The following ADARB2 variants were observed in gnomAD, a reference collection of about 807,000 sequenced individuals.
ADARB2 encodes adenosine deaminase RNA specific B2 (inactive), also known as inactive double-stranded RNA-specific editase B2.
In ADARB2, 25 loss-of-function variants were observed where a neutral mutation model predicts 62.2. That is an observed-to-expected ratio of 0.40 (90% CI 0.29 to 0.56). The LOEUF is 0.56. Ranked by LOEUF, ADARB2 falls within the 20% of genes least tolerant of loss-of-function variation. ADARB2 has a pLI of 0.43. For synonymous variants in ADARB2, 572 were observed against 500.8 expected (o/e 1.14, Z -1.90); for missense variants, 1,071 against 1,077.4 (o/e 0.99, Z 0.08).
chr10:1,557,927 A>AAAAACAAATC (rs1554771635), intron 1 of ADARB2, among the ~76,000 whole-genome samples: 1 of 149,648 alleles, frequency 6.7e-6, no homozygotes, highest in Non-Finnish European at 1.5e-5. Flanking sequence ...GACCCTATCT[A>AAAAACAAATC]AAAACAAAAC....
intron 3 of ADARB2, among the ~76,000 whole-genome samples, chr10:1,343,009 G>T (rs79745787): frequency 0.024 from 3,619 of 152,284 alleles, 84 homozygotes; most frequent in East Asian, 0.11. Flanking sequence ...CAAGAACAGG[G>T]TGTGGTCATG....
chr10:1,349,409 G>C (rs1564265077), intron 3 of ADARB2, among the ~76,000 whole-genome samples: 1 of 152,082 alleles, frequency 6.6e-6, no homozygotes, highest in Non-Finnish European at 1.5e-5. Context: ...CCTTTCACAC[G>C]AACGTGCATG....
chr10:1,627,393 A>ATT (rs999716228), intron 1 of ADARB2, among the ~76,000 whole-genome samples: 16 of 151,812 alleles, frequency 1.1e-4, no homozygotes, highest in Non-Finnish European at 2.1e-4. Flanking sequence ...TTCTATCTTA[A>ATT]TTTTTTTTCT....
intron 3 of ADARB2, among the ~76,000 whole-genome samples, chr10:1,304,717 G>A (rs942548231): frequency 1.3e-5 from 2 of 148,492 alleles, no homozygotes; most frequent in African/African-American, 2.5e-5. Context: ...TCAGGATTAA[G>A]AATCTCACTC....
chr10:1,269,771 G>A (rs1320888120), intron 4 of ADARB2, among the ~76,000 whole-genome samples: 2 of 152,164 alleles, frequency 1.3e-5, no homozygotes, highest in African/African-American at 2.4e-5. Flanking sequence ...AGTGTATGGC[G>A]GTGCCCAATT....
chr10:1,373,614 A>T (rs1040582184), intron 2 of ADARB2, among the ~76,000 whole-genome samples: 17 of 152,294 alleles, frequency 1.1e-4, no homozygotes, highest in Non-Finnish European at 1.8e-4. Context: ...CACCTACATC[A>T]GCTGGGTGGG....
chr10:1,522,926 T>G (rs539388990), intron 1 of ADARB2, among the ~76,000 whole-genome samples: 5 of 152,258 alleles, frequency 3.3e-5, no homozygotes, highest in Admixed American at 3.3e-4. Flanking sequence ...GAGCGACTCC[T>G]CTCTCTCACC....
chr10:1,395,554 G>C (rs982183724), intron 1 of ADARB2, among the ~76,000 whole-genome samples: 5 of 152,310 alleles, frequency 3.3e-5, no homozygotes, highest in Admixed American at 6.5e-5. Context: ...TCTCCCCAGC[G>C]GGGCGTCTGC....
chr10:1,484,743 CGTGCATATAG>C (rs1831520314), intron 1 of ADARB2, among the ~76,000 whole-genome samples: 1 of 152,014 alleles, frequency 6.6e-6, no homozygotes, highest in Admixed American at 6.6e-5. Flanking sequence ...TGTATGTAGG[CGTGCATATAG>C]GTACATATAC....
At chr10:1,671,908 G>A (rs190073563) in intron 1 of ADARB2, among the ~76,000 whole-genome samples, 6 of 151,824 alleles carry the variant, frequency 4.0e-5, no homozygotes, top group Admixed American at 3.9e-4. Flanking sequence ...TGGGGTGTCT[G>A]TACCTAAAAG....
chr10:1,732,112 T>C (rs573729298), intron 1 of ADARB2, among the ~76,000 whole-genome samples: 1 of 152,186 alleles, frequency 6.6e-6, no homozygotes, highest in East Asian at 1.9e-4. Context: ...TTTTCTACTA[T>C]TTTGGAAAAA....
At chr10:1,244,598 C>A (rs1329857954) in intron 4 of ADARB2, among the ~76,000 whole-genome samples, 1 of 152,156 alleles carries the variant, frequency 6.6e-6, no homozygotes, top group Admixed American at 6.5e-5. Flanking sequence ...ATGATTCTCA[C>A]CCCCACCGCC....
At chr10:1,631,181 TG>T (rs966478946) in intron 1 of ADARB2, among the ~76,000 whole-genome samples, 28 of 151,964 alleles carry the variant, frequency 1.8e-4, no homozygotes, top group African/African-American at 5.8e-4. Context: ...TGCCTCCACG[TG>T]GGGTCCCGAC....
At chr10:1,440,272 G>A (rs1830888811) in intron 1 of ADARB2, among the ~76,000 whole-genome samples, 1 of 152,198 alleles carries the variant, frequency 6.6e-6, no homozygotes, top group Non-Finnish European at 1.5e-5. Context: ...TGGGCTCCGA[G>A]ACAGCCTGGA....
chr10:1,367,216 TC>T (rs1167126158), intron 2 of ADARB2, among the ~76,000 whole-genome samples: 3 of 152,244 alleles, frequency 2.0e-5, no homozygotes, highest in African/African-American at 7.2e-5. Context: ...GGTGAAAACA[TC>T]CGGCTCTTGG....
chr10:1,305,987 T>C (rs1193436604), intron 3 of ADARB2, among the ~76,000 whole-genome samples: 2 of 152,166 alleles, frequency 1.3e-5, no homozygotes, highest in African/African-American at 4.8e-5. Flanking sequence ...CTTTGAAAAC[T>C]GGCACAAGAC....
chr10:1,544,028 A>C lies in ADARB2; in HGVS notation c.101-164868T>G, dbSNP rs11250605. Among the ~76,000 whole-genome samples, 617 of 140,874 alleles carry C rather than the reference A, an allele frequency of 4.4e-3. 5 individuals are homozygous for C. The highest frequency in any genetic ancestry group is 0.015 in the African/African-American group (580 of 39,852). The allele number at this position is 140,874 out of a possible 152,430, so 92.4% of individuals were successfully genotyped here. On this transcript the variant is annotated intron_variant, in intron 1 of 9. Transcript: ENST00000381312. ...AAAAAAAAAAACAAACAAAAAAAAAAACACACAAAATGGTGACCTCAGGGA... is the reference window on the plus strand; with the variant it reads ...AAAAAAAAAAACAAACAAAAAAAAACACACACAAAATGGTGACCTCAGGGA...
At position 1,326,802 on chromosome 10, in the gene ADARB2, A is replaced by G. The variant is rs1377178056; in HGVS notation, c.1077+36226T>C. ...CCTCCTCACTGCCCAGCGCCTCCCC[A>G]CGGCCCAGCGCCTCCCCACGGCCCA... On this transcript the variant is annotated intron_variant, in intron 3 of 9. Coordinates refer to ENST00000381312, the MANE Select transcript of ADARB2 (RefSeq NM_018702.4). 2.6e-4 allele frequency among the ~76,000 whole-genome samples: 32 copies of G among 121,050 alleles called. 1 individual carries two copies. Among genetic ancestry groups the G allele is most frequent in the South Asian group, 5.7e-4 (2 of 3,510 alleles). The allele number at this position is 121,050 out of a possible 152,430, so 79.4% of individuals were successfully genotyped here. A position where few individuals can be genotyped will look rare whatever the true frequency, so the allele number is the denominator to read the frequency against.
chr10:1,295,675 A>G (rs970377994), intron 3 of ADARB2, among the ~76,000 whole-genome samples: 1 of 152,188 alleles, frequency 6.6e-6, no homozygotes, highest in Non-Finnish European at 1.5e-5. Flanking sequence ...GAAATAGCAG[A>G]ATGCATGAAG....
Sources: gnomAD v4.1 joint callset for allele counts (sites outside exome capture counted in the v4.1 genomes callset) on GRCh38, gnomAD v4.1.1 for gene constraint, MANE v1.5 for transcripts, NCBI Gene and HGNC (gene_info 2026-07-23, HGNC 2026-07-21) for gene names.